Variants in PLXNA2 observed in about 807,000 individuals in gnomAD.
PLXNA2 encodes plexin-A2.
A neutral mutation model predicts 193.5 loss-of-function variants in PLXNA2; 91 were observed. That is an observed-to-expected ratio of 0.47 (90% CI 0.40 to 0.56). PLXNA2 has a LOEUF of 0.56. PLXNA2 is among the 20% of genes least tolerant of loss of function. The pLI, the probability that PLXNA2 is intolerant of heterozygous loss-of-function variation, is 0.00. For synonymous variants in PLXNA2, 997 were observed against 1,027.3 expected (o/e 0.97, Z 0.56); for missense variants, 1,995 against 2,503.2 (o/e 0.80, Z 4.33).
chr1:208,182,606 C>T (rs188489270), intron 3 of PLXNA2, among the ~76,000 whole-genome samples: 68 of 152,014 alleles, frequency 4.5e-4, no homozygotes, highest in African/African-American at 1.6e-3. Context: ...CTTATGAGGC[C>T]GTCTCCTCAT....
At chr1:208,116,921 A>G (rs1312576788) in intron 4 of PLXNA2, among the ~76,000 whole-genome samples, 1 of 152,226 alleles carries the variant, frequency 6.6e-6, no homozygotes, top group African/African-American at 2.4e-5. Flanking sequence ...CTGTAATCCC[A>G]GAACTTTGGG....
chr1:208,162,291 T>C (rs1669155200), intron 3 of PLXNA2, among the ~76,000 whole-genome samples: 1 of 152,220 alleles, frequency 6.6e-6, no homozygotes, highest in African/African-American at 2.4e-5. Flanking sequence ...ACTGACCATC[T>C]GTTCTTCTCC....
chr1:208,203,932 C>A (rs1035092428), intron 3 of PLXNA2, among the ~76,000 whole-genome samples: 1 of 152,224 alleles, frequency 6.6e-6, no homozygotes, highest in African/African-American at 2.4e-5. Context: ...CTGATGGATT[C>A]TTTCCAATGC....
chr1:208,155,960 C>T (rs961670745), intron 3 of PLXNA2, among the ~76,000 whole-genome samples: 14 of 152,194 alleles, frequency 9.2e-5, no homozygotes, highest in African/African-American at 3.4e-4. Context: ...GACACCAGGA[C>T]CTCCCCATGA....
chr1:208,214,396 C>G (rs754746587), intron 2 of PLXNA2, among the ~76,000 whole-genome samples: 7 of 152,174 alleles, frequency 4.6e-5, no homozygotes, highest in Non-Finnish European at 8.8e-5. Context: ...ATAACTTGCC[C>G]AAAGTCACAC....
At chr1:208,215,633 TGATG>T (rs139125204) in intron 2 of PLXNA2, among the ~76,000 whole-genome samples, 8 of 150,880 alleles carry the variant, frequency 5.3e-5, no homozygotes, top group South Asian at 2.1e-4. Context: ...GATGGATGGA[TGATG>T]GATGGATGGA....
chr1:208,205,190 G>T (rs1464800541), intron 3 of PLXNA2, among the ~76,000 whole-genome samples: 1 of 152,176 alleles, frequency 6.6e-6, no homozygotes, highest in African/African-American at 2.4e-5. Flanking sequence ...TTTGCCTCCT[G>T]TCTCCGCCCT....
chr1:208,171,027 G>C (rs776368430), intron 3 of PLXNA2, among the ~76,000 whole-genome samples: 1 of 152,164 alleles, frequency 6.6e-6, no homozygotes, highest in Non-Finnish European at 1.5e-5. Context: ...CTTCCTGGAG[G>C]GGGTATTATT....
intron 4 of PLXNA2, among the ~76,000 whole-genome samples, chr1:208,125,133 A>G (rs900680299): frequency 6.6e-5 from 10 of 152,342 alleles, no homozygotes; most frequent in East Asian, 1.9e-4. Context: ...GCCATATTTC[A>G]TGAAATAATA....
intron 12 of PLXNA2, among the ~76,000 whole-genome samples, chr1:208,078,282 C>T (rs1231441093): frequency 6.6e-6 from 1 of 152,198 alleles, no homozygotes; most frequent in Non-Finnish European, 1.5e-5. Flanking sequence ...AGCACCCATT[C>T]TATCTTGAGG....
At chr1:208,054,680 T>A in intron 13 of PLXNA2, 142 bp from the exon 14 acceptor site, 1 of 658,846 alleles carries the variant, frequency 1.5e-6, no homozygotes, top group Non-Finnish European at 2.8e-6. Flanking sequence ...TCCATCTTGC[T>A]GTGTGACCTT....
intron 17 of PLXNA2, among the ~76,000 whole-genome samples, chr1:208,048,516 C>T (rs964293977): frequency 6.6e-6 from 1 of 152,198 alleles, no homozygotes; most frequent in African/African-American, 2.4e-5. Flanking sequence ...CCCCAGCTCC[C>T]CAGAGGGCAG....
intron 3 of PLXNA2, among the ~76,000 whole-genome samples, chr1:208,183,335 C>T (rs560381671): frequency 5.3e-5 from 8 of 152,318 alleles, no homozygotes; most frequent in South Asian, 2.1e-4. Context: ...TCATTTCACC[C>T]TCACTCTGCC....
intron 2 of PLXNA2, among the ~76,000 whole-genome samples, chr1:208,212,906 T>A (rs79368586): frequency 1.1e-3 from 165 of 152,356 alleles, no homozygotes; most frequent in Middle Eastern, 0.01. Context: ...ATATGTCATG[T>A]ACCATGTCTC....
intron 12 of PLXNA2, among the ~76,000 whole-genome samples, chr1:208,062,714 G>A (rs553882553): frequency 6.6e-6 from 1 of 152,248 alleles, no homozygotes; most frequent in East Asian, 1.9e-4. Context: ...TAGTCAAGGG[G>A]GCTCAGAGGT....
chr1:208,217,631 G>A lies in PLXNA2; in HGVS notation c.292C>T (p.Leu98Phe). 3 of 1,614,204 alleles carry A rather than the reference G, an allele frequency of 1.9e-6. No homozygotes were observed. Among genetic ancestry groups the A allele is most frequent in the Non-Finnish European group, 2.5e-6 (3 of 1,180,030 alleles). The change falls in exon 2 of 32, where the codon CTC becomes TTC. Residue 98 changes from leucine (L) to phenylalanine (F), a missense_variant. This residue lies in a region of PLXNA2 where 702 missense variants were observed against 812.9 expected (regional missense o/e 0.86). Coordinates refer to ENST00000367033, the MANE Select transcript of PLXNA2 (RefSeq NM_025179.4). The surrounding 1 kb of genome is among the most constrained non-coding windows in gnomAD (Gnocchi z 4.7). The part of the protein sequence containing the change: ...EEDNKSCYPP[L>F]IVQPCSEVLT... The stretch of plus-strand genomic sequence containing the variant: ...ACTTCGCTGCAGGGCTGCACGATGA[G>A]GGGCGGGTAACAAGACTTGTTGTCC...
chr1:208,100,794 G>A lies in PLXNA2; in HGVS notation c.1608-1825C>T, dbSNP rs182122310. 3.1e-3 allele frequency among the ~76,000 whole-genome samples: 466 copies of A among 152,276 alleles called. 10 individuals carry two copies. The highest frequency in any genetic ancestry group is 0.025 in the Admixed American group (390 of 15,302). On this transcript the variant is annotated intron_variant, in intron 5 of 31. Coordinates refer to ENST00000367033, the MANE Select transcript of PLXNA2 (RefSeq NM_025179.4). ...CTGTTTCTCCCAACATCTTCATCTC[G>A]GGCTCTAGGCTCCCCTGCCCACAGT...
chr1:208,030,916 C>A, intron 29 of PLXNA2: 11 of 986,066 alleles, frequency 1.1e-5, no homozygotes, highest in South Asian at 4.7e-5. Context: ...ATACCAGGGG[C>A]CTGAGGGCTT....
chr1:208,222,447 G>C (rs530901165), intron 1 of PLXNA2, among the ~76,000 whole-genome samples: 2 of 152,128 alleles, frequency 1.3e-5, no homozygotes, highest in Non-Finnish European at 2.9e-5. Flanking sequence ...AACTCGGAGC[G>C]TTCCTGATGC....
Sources: allele counts gnomAD v4.1 joint callset (sites outside exome capture counted in the v4.1 genomes callset), GRCh38; gene constraint gnomAD v4.1.1; regional missense constraint gnomAD v4.1.1; non-coding constraint Gnocchi (gnomAD v3.1); transcripts MANE v1.5; gene names NCBI Gene and HGNC (gene_info 2026-07-23, HGNC 2026-07-21).